Variants in IST1 observed in about 807,000 individuals in gnomAD.
IST1 encodes IST1 homolog.
IST1 carries 23 observed loss-of-function variants against 37.0 expected under a neutral mutation model. That is an observed-to-expected ratio of 0.62 (90% CI 0.45 to 0.88). The LOEUF is 0.88. IST1 is among the 40% of genes least tolerant of loss of function. The pLI is 0.00. For synonymous variants in IST1, 180 were observed against 161.7 expected (o/e 1.11, Z -0.86); for missense variants, 488 against 445.4 (o/e 1.10, Z -0.86).
chr16:71,898,422 G>A (rs1027205791), intron 1 of IST1, among the ~76,000 whole-genome samples: 18 of 150,578 alleles, frequency 1.2e-4, no homozygotes, highest in African/African-American at 4.4e-4. Flanking sequence ...TGTGGCTCAT[G>A]CCTGTAATCC....
intron 1 of IST1, among the ~76,000 whole-genome samples, chr16:71,900,327 CTTTTTTTTTTTTTT>C (rs201344260): frequency 5.0e-5 from 5 of 100,506 alleles, no homozygotes; most frequent in Admixed American, 3.6e-4. Context: ...CTTAGGAAGT[CTTTTTTTTTTTTTT>C]TTTTTTTTTG....
intron 1 of IST1, 42 bp from the exon 2 acceptor site, chr16:71,915,584 A>C: frequency 7.1e-7 from 1 of 1,402,568 alleles, no homozygotes; most frequent in Non-Finnish European, 9.9e-7. Context: ...TCCTGAACTA[A>C]TGTTGACTTG....
chr16:71,928,255 G>C lies in IST1; in HGVS notation c.*442G>C, dbSNP rs2070069250. On this transcript the variant is annotated 3_prime_UTR_variant, in exon 10 of 10. Transcript: ENST00000378799. Reference sequence around the variant, plus strand: ...CCTCTGTACAGGGGGATTGTGGTGAGTGAGAATCAAGGCCACCTTGTGTGT... The same window carrying C: ...CCTCTGTACAGGGGGATTGTGGTGACTGAGAATCAAGGCCACCTTGTGTGT... The C allele has an allele frequency of 5.8e-6, 1 of 173,208 alleles. No individual in the cohort carries two copies. The highest frequency in any genetic ancestry group is 5.8e-5 in the Admixed American group (1 of 17,374). The allele number at this position is 173,208 out of a possible 1,614,324, so 10.7% of individuals were successfully genotyped here. A position where few individuals can be genotyped will look rare whatever the true frequency, so the allele number is the denominator to read the frequency against.
At chr16:71,917,003 G>A (rs1205067010) in intron 3 of IST1, 44 bp from the exon 4 acceptor site, 3 of 1,284,270 alleles carry the variant, frequency 2.3e-6, no homozygotes, top group Non-Finnish European at 3.3e-6. Context: ...GGATTTTGTT[G>A]GTTTGTTTTA....
Position 71,915,683 on chromosome 16 carries a change from T to C in IST1, c.43T>C (p.Leu15=). The change falls in exon 2 of 10, where the codon TTG becomes CTG. Residue 15 remains leucine, a synonymous_variant. Coordinates refer to ENST00000378799, the MANE Select transcript of IST1 (RefSeq NM_001270975.2). ...GFKAERLRVN[L]RLVINRLKLL... ...TAAAGCTGAGCGCTTAAGAGTGAAT[T>C]TGAGATTAGTCATAAATCGCCTTAA... 6.2e-7 allele frequency: 1 copy of C among 1,613,560 alleles called. No individual in the cohort carries two copies. The highest frequency in any genetic ancestry group is 8.5e-7 in the Non-Finnish European group (1 of 1,179,774).
In IST1 at chr16:71,930,694, G is replaced by A. The variant is rs2143065157; in HGVS notation, c.*2881G>A. The A allele has an allele frequency of 6.6e-6, 1 of 152,008 alleles. No individual in the cohort carries two copies. The highest frequency in any genetic ancestry group is 1.9e-4 in the East Asian group (1 of 5,176). 9.4% of individuals were successfully genotyped at this position (152,008 alleles called of 1,614,324 possible). ...TGTCATTTTTAAAGGTACAAGCATT[G>A]AGTTCTGCCATTCTTTACTTTTCTG... On this transcript the variant is annotated 3_prime_UTR_variant, in exon 10 of 10. Coordinates refer to ENST00000378799, the MANE Select transcript of IST1 (RefSeq NM_001270975.2).
upstream of IST1, chr16:71,894,943 A>G: frequency 2.0e-6 from 2 of 988,336 alleles, no homozygotes. Flanking sequence ...ACACTACTGA[A>G]TTATACCACA....
Position 71,928,011 on chromosome 16 carries a change from CTG to C in IST1, c.*199_*200del, listed in dbSNP as rs1475416526. ...TGATCCTGAGACTAACAATTGGAGACTGAGGCCAGAGCAACTGGCTCCTGGCA... is the reference window on the plus strand; with the variant it reads ...TGATCCTGAGACTAACAATTGGAGACAGGCCAGAGCAACTGGCTCCTGGCA... On this transcript the variant is annotated 3_prime_UTR_variant, in exon 10 of 10. Coordinates refer to ENST00000378799, the MANE Select transcript of IST1 (RefSeq NM_001270975.2). 24 of 556,586 alleles carry C rather than the reference CTG, an allele frequency of 4.3e-5. No individual in the cohort carries two copies. The highest frequency in any genetic ancestry group is 7.1e-5 in the Non-Finnish European group (22 of 310,524). 34.5% of individuals were successfully genotyped at this position (556,586 alleles called of 1,614,324 possible). A position where few individuals can be genotyped will look rare whatever the true frequency, so the allele number is the denominator to read the frequency against.
rs1396543433 is a variant in IST1 at position 71,929,789 on chromosome 16, T to A, written c.*1976T>A. ...AAAATTAGTAAATGTAAAGATACTA[T>A]TTCTTTAATAATTTGCAGTCAGGCA... On this transcript the variant is annotated 3_prime_UTR_variant, in exon 10 of 10. Coordinates refer to ENST00000378799, the MANE Select transcript of IST1 (RefSeq NM_001270975.2). 2.6e-6 allele frequency: 3 copies of A among 1,150,818 alleles called. No individual in the cohort carries two copies. The highest frequency in any genetic ancestry group is 3.6e-6 in the Non-Finnish European group (3 of 830,908). The allele number at this position is 1,150,818 out of a possible 1,614,324, so 71.3% of individuals were successfully genotyped here. A position where few individuals can be genotyped will look rare whatever the true frequency, so the allele number is the denominator to read the frequency against.
At chr16:71,922,404 C>G (rs965759075) in intron 6 of IST1, 70 bp from the exon 7 acceptor site, 1 of 1,323,492 alleles carries the variant, frequency 7.6e-7, no homozygotes, top group African/African-American at 1.5e-5. Flanking sequence ...ATCTCCATCT[C>G]AGACTCCGCT....
chr16:71,924,209 G>A (rs2037682602), intron 8 of IST1: 1 of 455,338 alleles, frequency 2.2e-6, no homozygotes, highest in Non-Finnish European at 4.4e-6. Context: ...TGAGGACTTG[G>A]TTCTTAAGAT....
At chr16:71,916,339 G>C in intron 2 of IST1, 123 bp from the exon 3 acceptor site, 2 of 876,360 alleles carry the variant, frequency 2.3e-6, no homozygotes, top group Non-Finnish European at 3.5e-6. Flanking sequence ...GATTAGATTT[G>C]CTAAAGGAGA....
Position 71,924,829 on chromosome 16 carries a change from C to T in IST1, c.901+12C>T. ...TGCACAGATTGTTGGTGAGTAGTAT[C>T]AATCAGAAACCTGCAGAGCTCAGTG... On this transcript the variant is annotated intron_variant, in intron 9 of 9. Coordinates refer to ENST00000378799, the MANE Select transcript of IST1 (RefSeq NM_001270975.2). The T allele has an allele frequency of 2.5e-6, 4 of 1,578,536 alleles. No homozygotes were observed. The highest frequency in any genetic ancestry group is 3.5e-6 in the Non-Finnish European group (4 of 1,147,612).
chr16:71,927,830 AACTTTC>A lies in IST1; in HGVS notation c.*20_*25del. 6.3e-7 allele frequency: 1 copy of A among 1,596,524 alleles called. No individual in the cohort carries two copies. The highest frequency in any genetic ancestry group is 1.1e-5 in the South Asian group (1 of 90,638). The stretch of plus-strand genomic sequence containing the variant: ...AAAACATAGGTCTCTTAAACCAGGC[AACTTTC>A]ACGTTTTGGGAGTTGAGACTGAGCA... On this transcript the variant is annotated 3_prime_UTR_variant, in exon 10 of 10. Coordinates refer to ENST00000378799, the MANE Select transcript of IST1 (RefSeq NM_001270975.2).
intron 1 of IST1, among the ~76,000 whole-genome samples, chr16:71,898,884 G>C (rs560557770): frequency 1.2e-4 from 18 of 149,632 alleles, no homozygotes; most frequent in African/African-American, 4.4e-4. Flanking sequence ...AGAATCACTT[G>C]AACCTAGGAG....
rs1226602270 is a variant in IST1 at position 71,929,263 on chromosome 16, C to CTTCTGACTGCTTCAT, written c.*1454_*1468dup. ...TTTTTAGTAAGTTGCAGTGAGCTCACTTCTGACTGCTTCATTTCCCGCAGC... is the reference window on the plus strand; with the variant it reads ...TTTTTAGTAAGTTGCAGTGAGCTCACTTCTGACTGCTTCATTTCTGACTGCTTCATTTCCCGCAGC... On this transcript the variant is annotated 3_prime_UTR_variant, in exon 10 of 10. Coordinates refer to ENST00000378799, the MANE Select transcript of IST1 (RefSeq NM_001270975.2). The CTTCTGACTGCTTCAT allele has an allele frequency of 3.4e-6, 1 of 298,386 alleles. No individual in the cohort carries two copies. Among genetic ancestry groups the CTTCTGACTGCTTCAT allele is most frequent in the African/African-American group, 2.2e-5 (1 of 46,120 alleles). The allele number at this position is 298,386 out of a possible 1,614,324, so 18.5% of individuals were successfully genotyped here.
chr16:71,924,708 AC>A, intron 8 of IST1, 60 bp from the exon 9 acceptor site: 2 of 1,286,264 alleles, frequency 1.6e-6, no homozygotes, highest in Non-Finnish European at 2.3e-6. Flanking sequence ...AGGGGCTTAC[AC>A]CAGTACTTTC....
At chr16:71,895,179 T>C, upstream of IST1, 1 of 227,556 alleles carries the variant, frequency 4.4e-6, no homozygotes, top group Non-Finnish European at 8.9e-6. Context: ...TGGCAGCCGG[T>C]TATGGAAGAA....
At chr16:71,910,532 G>T (rs1339321559) in intron 1 of IST1, among the ~76,000 whole-genome samples, 1 of 151,840 alleles carries the variant, frequency 6.6e-6, no homozygotes, top group African/African-American at 2.4e-5. Context: ...CGTGAACCTG[G>T]GAGGCGGAGC....
Sources: gnomAD v4.1 joint callset for allele counts (sites outside exome capture counted in the v4.1 genomes callset) on GRCh38, gnomAD v4.1.1 for gene constraint, MANE v1.5 for transcripts, NCBI Gene and HGNC (gene_info 2026-07-23, HGNC 2026-07-21) for gene names.